RFC1: variants seen among roughly 807,000 people sequenced by gnomAD.
RFC1 encodes the protein A1 140 kDa subunit.
RFC1 carries 37 observed loss-of-function variants against 137.4 expected under a neutral mutation model. That is an observed-to-expected ratio of 0.27 (90% CI 0.21 to 0.35). The LOEUF (loss-of-function observed/expected upper bound fraction) is 0.35. Ranked by LOEUF, RFC1 falls within the 10% of genes least tolerant of loss-of-function variation. The pLI is 1.00. For missense variants in RFC1, 1,205 were observed against 1,358.5 expected, an observed-to-expected ratio of 0.89 and a Z score of 1.78; for synonymous variants, 429 against 455.7, an observed-to-expected ratio of 0.94 and a Z score of 0.75.
chr4:39,360,653 T>C (rs1220454596), intron 1 of RFC1, among the ~76,000 whole-genome samples: 1 of 151,934 alleles, frequency 6.6e-6, no homozygotes, highest in African/African-American at 2.4e-5. Flanking sequence ...GAGAATTGCT[T>C]GAACCTGGGA....
At chr4:39,348,429 GAAAAGAAAAGAAAAGAAAA>G (rs1740984687) in intron 2 of RFC1, among the ~76,000 whole-genome samples, 2 of 38,540 alleles carry the variant, frequency 5.2e-5, no homozygotes, top group Non-Finnish European at 1.2e-4. Flanking sequence ...TTTCAAAAAA[GAAAAGAAAAGAAAAGAAAA>G]GAAAAGAAAA....
intron 9 of RFC1, 48 bp downstream of exon 9, chr4:39,320,335 G>T (rs1739448467): frequency 1.4e-6 from 2 of 1,401,474 alleles, no homozygotes. Context: ...AGCAACAAGA[G>T]CAAAACTCCA....
At position 39,342,251 on chromosome 4, in the gene RFC1, T is replaced by A. The variant is rs994314035; in HGVS notation, c.331+94A>T. ...CAACAAAGCAAAAAGGCAGTAGAAA[T>A]TCCATTCAAAGTGAAGGAGGTACAT... On this transcript the variant is annotated intron_variant, in intron 4 of 24. Coordinates refer to ENST00000349703, the MANE Select transcript of RFC1 (RefSeq NM_002913.5). The A allele has an allele frequency of 4.3e-6, 6 of 1,381,440 alleles. No individual in the cohort carries two copies. In the Admixed American group the frequency reaches 6.9e-5, roughly 16 times the overall value. 85.6% of individuals were successfully genotyped at this position (1,381,440 alleles called of 1,614,324 possible). A position where few individuals can be genotyped will look rare whatever the true frequency, so the allele number is the denominator to read the frequency against.
chr4:39,308,627 T>C lies in RFC1; in HGVS notation c.1885+9A>G, dbSNP rs1023316669. 1.2e-6 allele frequency: 2 copies of C among 1,604,706 alleles called. No homozygotes were observed. Among genetic ancestry groups the C allele is most frequent in the Non-Finnish European group, 1.7e-6 (2 of 1,173,952 alleles). Reference sequence around the variant, plus strand: ...ACACACACAAAAATGAGTGAGGTTGTAAAATCACCGTGTTTTTTATCTTCG... The same window carrying C: ...ACACACACAAAAATGAGTGAGGTTGCAAAATCACCGTGTTTTTTATCTTCG... On this transcript the variant is annotated intron_variant, in intron 13 of 24. Coordinates refer to ENST00000349703, the MANE Select transcript of RFC1 (RefSeq NM_002913.5).
chr4:39,365,295 T>C (rs1741969230), intron 1 of RFC1, among the ~76,000 whole-genome samples: 1 of 138,838 alleles, frequency 7.2e-6, no homozygotes, highest in South Asian at 2.5e-4. Flanking sequence ...CGTTTCCCAG[T>C]GTGGCATAAA....
chr4:39,337,536 TTA>T (rs1392706470), intron 4 of RFC1, among the ~76,000 whole-genome samples: 5 of 151,756 alleles, frequency 3.3e-5, no homozygotes, highest in Non-Finnish European at 5.9e-5. Context: ...AATTCTAAAT[TTA>T]GTTTCTTTTA....
intron 1 of RFC1, among the ~76,000 whole-genome samples, chr4:39,357,296 GC>G (rs1741524218): frequency 6.6e-6 from 1 of 152,162 alleles, no homozygotes; most frequent in Admixed American, 6.5e-5. Flanking sequence ...TGCTGTTGTG[GC>G]AAGAGGGAAG....
At position 39,364,024 on chromosome 4, in the gene RFC1, G is replaced by C. The variant is rs1311824219; in HGVS notation, c.3+2215C>G. Among the ~76,000 whole-genome samples, 4 of 148,142 alleles carry C rather than the reference G, an allele frequency of 2.7e-5. No individual in the cohort carries two copies. The East Asian group carries it at 7.9e-4, about 29-fold the overall frequency. ...GTACCCCGGAATTAGAGATGGCAGT[G>C]AGCTATCATCACACCACTGCACTCC... On this transcript the variant is annotated intron_variant, in intron 1 of 24. Transcript: ENST00000349703.
At chr4:39,365,962 T>C (rs1349683727) in intron 1 of RFC1, among the ~76,000 whole-genome samples, 1 of 152,228 alleles carries the variant, frequency 6.6e-6, no homozygotes, top group Non-Finnish European at 1.5e-5. Context: ...CCTCTCTTCC[T>C]TTCTCCCTTC....
intron 9 of RFC1, among the ~76,000 whole-genome samples, chr4:39,317,541 C>T (rs1185184219): frequency 6.6e-6 from 1 of 152,154 alleles, no homozygotes; most frequent in Non-Finnish European, 1.5e-5. Context: ...ACAAGCTTTA[C>T]TCCAAAGAGA....
At chr4:39,325,107 C>A (rs1739698454) in intron 6 of RFC1, among the ~76,000 whole-genome samples, 1 of 152,140 alleles carries the variant, frequency 6.6e-6, no homozygotes, top group Non-Finnish European at 1.5e-5. Context: ...TCTTTCTTTT[C>A]TATTTGCATT....
chr4:39,311,136 G>A (rs1738942492), intron 12 of RFC1, among the ~76,000 whole-genome samples: 1 of 152,086 alleles, frequency 6.6e-6, no homozygotes, highest in East Asian at 1.9e-4. Context: ...GCTAGACTCT[G>A]TCTCAAAAAA....
In RFC1 at chr4:39,342,480, GA is replaced by G; in HGVS notation, c.209-14del. 6.2e-7 allele frequency: 1 copy of G among 1,606,820 alleles called. No individual in the cohort carries two copies. ...TCTGACTCTGAATCTGTATGTGAGA[GA>G]AAAATAAAACAAAACTTTGAAAAGA... On this transcript the variant is annotated splice_polypyrimidine_tract_variant and intron_variant, in intron 3 of 24. Transcript: ENST00000349703.
At chr4:39,310,453 C>T (rs925103335) in intron 12 of RFC1, among the ~76,000 whole-genome samples, 1 of 152,096 alleles carries the variant, frequency 6.6e-6, no homozygotes, top group Non-Finnish European at 1.5e-5. Flanking sequence ...TTTCTCTAAC[C>T]GGAATAACCT....
chr4:39,313,022 C>G, intron 10 of RFC1, 91 bp from the exon 11 acceptor site: 4 of 1,059,532 alleles, frequency 3.8e-6, no homozygotes, highest in South Asian at 1.7e-5. Context: ...GTTGATTTTT[C>G]TCATTTCACA....
intron 19 of RFC1, among the ~76,000 whole-genome samples, chr4:39,300,993 T>G (rs1738326940): frequency 6.6e-6 from 1 of 150,982 alleles, no homozygotes; most frequent in African/African-American, 2.4e-5. Context: ...CTCAGAAGCC[T>G]GAGGCAAGAG....
chr4:39,290,141 T>C, intron 23 of RFC1, 102 bp from the exon 24 acceptor site: 1 of 759,900 alleles, frequency 1.3e-6, no homozygotes, highest in Non-Finnish European at 2.2e-6. Flanking sequence ...CTGCAACTGT[T>C]TGCAAAGTAT....
intron 21 of RFC1, among the ~76,000 whole-genome samples, chr4:39,299,199 A>G (rs935691667): frequency 2.0e-5 from 3 of 152,182 alleles, no homozygotes; most frequent in African/African-American, 4.8e-5. Context: ...CCATCCCTTC[A>G]TTTCCCATAA....
intron 13 of RFC1, among the ~76,000 whole-genome samples, 193 bp from the exon 14 acceptor site, chr4:39,306,894 C>T (rs753424893): frequency 2.1e-4 from 32 of 152,092 alleles, no homozygotes; most frequent in Non-Finnish European, 3.8e-4. Context: ...CCTACCTCAC[C>T]CCCACCCAAA....
Sources: allele counts gnomAD v4.1 joint callset (sites outside exome capture counted in the v4.1 genomes callset), GRCh38; gene constraint gnomAD v4.1.1; transcripts MANE v1.5; gene names NCBI Gene and HGNC (gene_info 2026-07-23, HGNC 2026-07-21).